The following RFC5 variants were observed in gnomAD, a reference collection of about 807,000 sequenced individuals.
The protein encoded by RFC5 is replication factor C subunit 5, also known as A1 36 kDa subunit.
In RFC5, 26 loss-of-function variants were observed where a neutral mutation model predicts 44.3. That is an observed-to-expected ratio of 0.59 (90% CI 0.43 to 0.81). The LOEUF (loss-of-function observed/expected upper bound fraction) is 0.81. Ranked by LOEUF, RFC5 falls within the 40% of genes least tolerant of loss-of-function variation. The probability of loss-of-function intolerance (pLI) is 0.00; values close to 1 mark genes in which losing one functional copy is unlikely to be tolerated. For missense variants in RFC5, 328 were observed against 418.6 expected, an observed-to-expected ratio of 0.78 and a Z score of 1.89; for synonymous variants, 155 against 155.2, an observed-to-expected ratio of 1.00 and a Z score of 0.01.
chr12:118,031,064 C>T, intron 10 of RFC5, 118 bp from the exon 11 acceptor site: 1 of 650,518 alleles, frequency 1.5e-6, no homozygotes, highest in Non-Finnish European at 2.8e-6. Flanking sequence ...CACATTTGTT[C>T]TATCAATTCC....
At chr12:118,034,321 T>C (rs767895456), downstream of RFC5, 2 of 1,614,216 alleles carry the variant, frequency 1.2e-6, no homozygotes, top group South Asian at 1.1e-5. Context: ...GACAGGACCC[T>C]AGGAGCTGTC....
At chr12:118,036,651 G>A, downstream of RFC5, 2 of 877,066 alleles carry the variant, frequency 2.3e-6, no homozygotes, top group Non-Finnish European at 3.4e-6. Context: ...AGCTCTTCCA[G>A]AACGTGTGGT....
chr12:118,019,097 C>G lies in RFC5; in HGVS notation c.91C>G (p.Leu31Val). ...GGTTGAAAAATACCGGCCACAGACCCTGAATGATCTCATTTCTCATCAGGA... is the reference window on the plus strand; with the variant it reads ...GGTTGAAAAATACCGGCCACAGACCGTGAATGATCTCATTTCTCATCAGGA... The part of the protein sequence containing the change: ...PWVEKYRPQT[L>V]NDLISHQDIL... The change falls in exon 2 of 11, where the codon CTG becomes GTG. Residue 31 changes from leucine (L) to valine (V), a missense_variant. By Grantham distance (32) the Leu-to-Val change is conservative. Coordinates refer to ENST00000454402, the MANE Select transcript of RFC5 (RefSeq NM_007370.7). The surrounding 1 kb of genome is among the most constrained non-coding windows in gnomAD (Gnocchi z 4.2). 6.2e-7 allele frequency: 1 copy of G among 1,612,720 alleles called. No individual in the cohort carries two copies. The highest frequency in any genetic ancestry group is 1.1e-5 in the South Asian group (1 of 91,046).
chr12:118,018,007 ACTAATCTG>A, intron 1 of RFC5: 1 of 701,630 alleles, frequency 1.4e-6, no homozygotes, highest in Non-Finnish European at 2.6e-6. Flanking sequence ...CCTGGCAACC[ACTAATCTG>A]CTTTCTATCT....
chr12:118,021,951 T>TATA (rs1411512768), intron 4 of RFC5, among the ~76,000 whole-genome samples: 2 of 150,162 alleles, frequency 1.3e-5, no homozygotes, highest in Non-Finnish European at 3.0e-5. Flanking sequence ...AGCAAAAACT[T>TATA]AGTCTCAAAA....
At chr12:118,034,583 G>GTCTCTCTCTCTCTCTCTCTCTC (rs10624358), downstream of RFC5, 4 of 538,148 alleles carry the variant, frequency 7.4e-6, no homozygotes, top group Non-Finnish European at 9.6e-6. Flanking sequence ...CGCTCTCTCT[G>GTCTCTCTCTCTCTCTCTCTCTC]TCTCTCTCTC....
At chr12:118,021,282 G>C (rs919355838) in intron 4 of RFC5, among the ~76,000 whole-genome samples, 7 of 151,840 alleles carry the variant, frequency 4.6e-5, no homozygotes, top group South Asian at 2.1e-4. Context: ...CATGATCTCG[G>C]CTCACTGCAA....
At chr12:118,038,508 G>T in the RFC5 span, 1 of 797,788 alleles carries the variant, frequency 1.3e-6, no homozygotes, top group Non-Finnish European at 2.0e-6. Flanking sequence ...CCTATCAGCT[G>T]GGCCCAAGGG....
chr12:118,038,097 ATCCCTCCTGTCT>A, downstream of RFC5: 1 of 456,086 alleles, frequency 2.2e-6, no homozygotes, highest in South Asian at 5.2e-5. Context: ...CTGTTTCCAA[ATCCCTCCTGTCT>A]TTGGGTTCGT....
At chr12:118,023,260 G>A (rs1019123123) in intron 5 of RFC5, among the ~76,000 whole-genome samples, 6 of 151,548 alleles carry the variant, frequency 4.0e-5, no homozygotes, top group African/African-American at 9.7e-5. Context: ...GGGGCCTAGC[G>A]CAGTTCTTTT....
chr12:118,040,122 G>A, the RFC5 span, among the ~76,000 whole-genome samples: 706 of 152,068 alleles, frequency 4.6e-3, 4 homozygotes, highest in African/African-American at 0.01. Context: ...ACAATAAGCC[G>A]AGATCGCAGC....
downstream of RFC5, among the ~76,000 whole-genome samples, chr12:118,036,868 C>T (rs1048488881): frequency 6.6e-6 from 1 of 152,170 alleles, no homozygotes; most frequent in East Asian, 1.9e-4. Flanking sequence ...GAGCCAAGTG[C>T]TATCTTATTC....
chr12:118,036,246 T>C (rs2031506721), downstream of RFC5: 1 of 1,420,688 alleles, frequency 7.0e-7, no homozygotes, highest in South Asian at 1.4e-5. Context: ...TCCCCTCCCA[T>C]GTCCCAGATT....
downstream of RFC5, chr12:118,034,583 G>GTCTCTCTCTCTC (rs10624358): frequency 2.0e-4 from 105 of 538,260 alleles, no homozygotes; most frequent in African/African-American, 1.9e-3. Flanking sequence ...CGCTCTCTCT[G>GTCTCTCTCTCTC]TCTCTCTCTC....
At chr12:118,022,873 C>G (rs922102205) in intron 5 of RFC5, among the ~76,000 whole-genome samples, 8 of 152,138 alleles carry the variant, frequency 5.3e-5, no homozygotes, top group African/African-American at 1.7e-4. Context: ...TCTGTGTCTC[C>G]CATCTAATGA....
chr12:118,031,131 G>A (rs977452872), intron 10 of RFC5, 51 bp from the exon 11 acceptor site: 4 of 1,308,010 alleles, frequency 3.1e-6, no homozygotes, highest in African/African-American at 2.9e-5. Flanking sequence ...CTTAAGAAAA[G>A]GCAGCTGTGT....
chr12:118,026,595 T>A (rs1385007285), intron 7 of RFC5, among the ~76,000 whole-genome samples: 1 of 152,090 alleles, frequency 6.6e-6, no homozygotes, highest in African/African-American at 2.4e-5. Flanking sequence ...CAAGACCCTG[T>A]CTCAAAAAAC....
intron 6 of RFC5, 103 bp downstream of exon 6, chr12:118,025,113 T>C (rs899670587): frequency 1.8e-6 from 2 of 1,113,374 alleles, no homozygotes; most frequent in Non-Finnish European, 2.6e-6. Flanking sequence ...GAAAACGACT[T>C]TGCAGAGTGC....
At position 118,027,948 on chromosome 12, in the gene RFC5, T is replaced by G. The variant is rs958124141; in HGVS notation, c.794-5T>G. 1 of 1,590,230 alleles carries G rather than the reference T, an allele frequency of 6.3e-7. No individual in the cohort carries two copies. The highest frequency in any genetic ancestry group is 1.3e-5 in the African/African-American group (1 of 74,354). On this transcript the variant is annotated splice_region_variant and splice_polypyrimidine_tract_variant and intron_variant, in intron 8 of 10. Coordinates refer to ENST00000454402, the MANE Select transcript of RFC5 (RefSeq NM_007370.7). The stretch of plus-strand genomic sequence containing the variant: ...TTGTTCCCTTTGCCTTAACTGCTCC[T>G]CTAGATATTACAGAGTTGAAAACTC...
Sources: allele counts gnomAD v4.1 joint callset (sites outside exome capture counted in the v4.1 genomes callset), GRCh38; gene constraint gnomAD v4.1.1; non-coding constraint Gnocchi (gnomAD v3.1); transcripts MANE v1.5; gene names NCBI Gene and HGNC (gene_info 2026-07-23, HGNC 2026-07-21).